Variants in SPOCK3 observed in about 807,000 individuals in gnomAD.
The protein encoded by SPOCK3 is testican-3.
Under a neutral mutation model 56.6 loss-of-function variants are expected in SPOCK3, and 30 were observed. The observed-to-expected ratio is 0.53, with a 90% CI of 0.40 to 0.72. SPOCK3 has a LOEUF of 0.72. Among genes scored for constraint, SPOCK3 ranks in the 30% least tolerant of loss-of-function variants. The probability of loss-of-function intolerance (pLI) is 0.00; values close to 1 mark genes in which losing one functional copy is unlikely to be tolerated. For missense variants in SPOCK3, 527 were observed against 530.0 expected (o/e 0.99, Z 0.06); for synonymous variants, 196 against 183.3 (o/e 1.07, Z -0.56).
intron 6 of SPOCK3, among the ~76,000 whole-genome samples, chr4:166,812,409 A>G (rs1324845431): frequency 6.6e-6 from 1 of 151,978 alleles, no homozygotes; most frequent in East Asian, 1.9e-4. Flanking sequence ...TAAAGTAAGA[A>G]AACGCAGGCA....
intron 2 of SPOCK3, among the ~76,000 whole-genome samples, chr4:167,109,730 T>C (rs944725497): frequency 6.7e-6 from 1 of 148,214 alleles, no homozygotes; most frequent in African/African-American, 2.5e-5. Flanking sequence ...AAAAATAAAA[T>C]AGAATGAAAA....
upstream of SPOCK3, chr4:167,234,606 TCG>T: frequency 5.0e-6 from 1 of 198,564 alleles, no homozygotes; most frequent in East Asian, 1.2e-4. Context: ...CACCCTCCCT[TCG>T]CGCGCGGATC....
At chr4:166,954,315 C>A (rs574862994) in intron 4 of SPOCK3, among the ~76,000 whole-genome samples, 1 of 152,208 alleles carries the variant, frequency 6.6e-6, no homozygotes, top group South Asian at 2.1e-4. Flanking sequence ...GATATCATCC[C>A]ATCTGTCTAT....
chr4:167,030,103 A>G (rs1169503084), intron 3 of SPOCK3, among the ~76,000 whole-genome samples: 1 of 150,832 alleles, frequency 6.6e-6, no homozygotes, highest in Non-Finnish European at 1.5e-5. Context: ...CTATCTATCT[A>G]TCTATCTATC....
chr4:167,081,238 T>A (rs962487987), intron 2 of SPOCK3, among the ~76,000 whole-genome samples: 1 of 152,028 alleles, frequency 6.6e-6, no homozygotes, highest in African/African-American at 2.4e-5. Flanking sequence ...CTTCAATTTA[T>A]TCAACTGAAA....
chr4:167,061,523 T>G (rs1755606869), intron 3 of SPOCK3, among the ~76,000 whole-genome samples: 1 of 151,984 alleles, frequency 6.6e-6, no homozygotes, highest in South Asian at 2.1e-4. Flanking sequence ...GATGATGGTC[T>G]ATGTCTAGGT....
intron 4 of SPOCK3, among the ~76,000 whole-genome samples, chr4:166,993,658 C>G (rs945018263): frequency 5.3e-5 from 8 of 151,966 alleles, no homozygotes; most frequent in Non-Finnish European, 8.8e-5. Flanking sequence ...AGGAGTAAAT[C>G]AATTTTCTCA....
chr4:166,794,595 C>T (rs538346828), intron 6 of SPOCK3, among the ~76,000 whole-genome samples: 1 of 150,616 alleles, frequency 6.6e-6, no homozygotes, highest in Non-Finnish European at 1.5e-5. Flanking sequence ...GCATCTAACC[C>T]TTGACCCAGC....
chr4:166,816,126 C>T lies in SPOCK3; in HGVS notation c.590-23837G>A, dbSNP rs151242726. On this transcript the variant is annotated intron_variant, in intron 6 of 10. Transcript: ENST00000357545. ...AATAATTTCTGGTTTAATTGCAGTT[C>T]GTTTTGTCCTTTTCTGTCTTCTTTG... is the stretch of plus-strand genomic sequence containing the variant. 1.4e-4 allele frequency among the ~76,000 whole-genome samples: 21 copies of T among 151,994 alleles called. No homozygotes were observed. The South Asian group carries it at 2.5e-3, about 18-fold the overall frequency.
chr4:166,893,895 A>C (rs1338630037), intron 5 of SPOCK3, among the ~76,000 whole-genome samples: 1 of 152,120 alleles, frequency 6.6e-6, no homozygotes, highest in Non-Finnish European at 1.5e-5. Context: ...TTTCCCAAGA[A>C]AACACCGTTC....
chr4:167,083,590 G>C (rs1417181966), intron 2 of SPOCK3, among the ~76,000 whole-genome samples: 1 of 152,076 alleles, frequency 6.6e-6, no homozygotes, highest in African/African-American at 2.4e-5. Context: ...TCAGGGGCAG[G>C]CTTAGTTTAG....
intron 3 of SPOCK3, among the ~76,000 whole-genome samples, chr4:167,054,694 T>G (rs1001967481): frequency 2.0e-5 from 3 of 152,170 alleles, no homozygotes; most frequent in African/African-American, 7.2e-5. Flanking sequence ...CCCAAAACTC[T>G]TACTGTTTTA....
intron 4 of SPOCK3, among the ~76,000 whole-genome samples, chr4:166,970,394 G>T (rs1561069330): frequency 6.6e-6 from 1 of 152,174 alleles, no homozygotes; most frequent in East Asian, 1.9e-4. Flanking sequence ...ATGTTTCTTG[G>T]CATACAGACA....
Position 167,193,687 on chromosome 4 carries a change from T to C in SPOCK3, c.189+40298A>G, listed in dbSNP as rs78297936. On this transcript the variant is annotated intron_variant, in intron 2 of 10. Transcript: ENST00000357545. ...TATTTTTGTTTCAACACTTTAAATA[T>C]ACTAATCCATTCCCTTCAGGCCTGC... 2.8e-3 allele frequency among the ~76,000 whole-genome samples: 410 copies of C among 145,968 alleles called. 63 individuals carry two copies. In the East Asian group the frequency reaches 0.08, roughly 28 times the overall value.
chr4:167,003,774 T>TG (rs1380499237), intron 3 of SPOCK3, among the ~76,000 whole-genome samples: 2 of 152,228 alleles, frequency 1.3e-5, no homozygotes, highest in African/African-American at 4.8e-5. Flanking sequence ...TAAACTAACC[T>TG]GGGTACCTGA....
intron 2 of SPOCK3, among the ~76,000 whole-genome samples, chr4:167,108,034 C>G (rs1181912993): frequency 6.6e-6 from 1 of 151,740 alleles, no homozygotes; most frequent in East Asian, 1.9e-4. Flanking sequence ...ATACAAATGG[C>G]AAACAGGCAT....
intron 4 of SPOCK3, among the ~76,000 whole-genome samples, chr4:166,921,705 G>T (rs1013384605): frequency 6.6e-6 from 1 of 152,060 alleles, no homozygotes; most frequent in African/African-American, 2.4e-5. Flanking sequence ...TCAATACTTT[G>T]TACTATATAT....
chr4:166,955,242 G>C (rs1307782645), intron 4 of SPOCK3, among the ~76,000 whole-genome samples: 1 of 151,320 alleles, frequency 6.6e-6, no homozygotes, highest in African/African-American at 2.4e-5. Flanking sequence ...TATTTTTAAA[G>C]AATATTGTAT....
At chr4:166,926,721 G>A (rs1321464914) in intron 4 of SPOCK3, among the ~76,000 whole-genome samples, 2 of 152,036 alleles carry the variant, frequency 1.3e-5, no homozygotes, top group Non-Finnish European at 2.9e-5. Flanking sequence ...CTAGTAATAG[G>A]TATGTATGGA....
Sources: gnomAD v4.1 joint callset for allele counts (sites outside exome capture counted in the v4.1 genomes callset) on GRCh38, gnomAD v4.1.1 for gene constraint, MANE v1.5 for transcripts, NCBI Gene and HGNC (gene_info 2026-07-23, HGNC 2026-07-21) for gene names.